The following MYOM3 variants were observed in gnomAD, a reference collection of about 807,000 sequenced individuals.
MYOM3 encodes the protein myomesin 3.
Under a neutral mutation model 191.7 loss-of-function variants are expected in MYOM3, and 155 were observed. That is an observed-to-expected ratio of 0.81 (90% CI 0.71 to 0.92). The LOEUF (loss-of-function observed/expected upper bound fraction) is 0.92. MYOM3 is among the 40% of genes least tolerant of loss of function. The pLI is 0.00. For synonymous variants in MYOM3, 757 were observed against 762.9 expected, an observed-to-expected ratio of 0.99 and a Z score of 0.13; for missense variants, 1,889 against 1,890.6, an observed-to-expected ratio of 1.00 and a Z score of 0.02.
intron 16 of MYOM3, chr1:24,084,251 C>T: frequency 1.8e-6 from 1 of 552,214 alleles, no homozygotes; most frequent in South Asian, 2.1e-5. Flanking sequence ...TTTGCTCTTT[C>T]TCCCTCTCCT....
At position 24,065,877 on chromosome 1, in the gene MYOM3, G is replaced by C; in HGVS notation, c.3534+14C>G. On this transcript the variant is annotated intron_variant, in intron 29 of 36. Coordinates refer to ENST00000374434, the MANE Select transcript of MYOM3 (RefSeq NM_152372.4). ...AAAGGAGAAAGTGAGCCCTGAAGCT[G>C]GAGCCACACTTGCCTCTTCAATGCA... 1 of 1,570,994 alleles carries C rather than the reference G, an allele frequency of 6.4e-7. No individual in the cohort carries two copies. The highest frequency in any genetic ancestry group is 8.8e-7 in the Non-Finnish European group (1 of 1,140,658).
rs747570135 is a variant in MYOM3, at chr1:24,071,121, G to A, written c.3146C>T (p.Ser1049Leu). ...LIFNNKEIFS[S>L]PNRKINFDRE... ...GGATTGTGAGCACCCAATTACCGGC[G>A]AGCTGAAGATCTCCTTGTTGTTGAA... Residue 1049 changes from serine to leucine, a missense_variant, in exon 25 of 37, where the codon TCG becomes TTG. Coordinates refer to ENST00000374434, the MANE Select transcript of MYOM3 (RefSeq NM_152372.4). The A allele has an allele frequency of 1.4e-5, 22 of 1,613,576 alleles. No individual in the cohort carries two copies. Among genetic ancestry groups the A allele is most frequent in the African/African-American group, 1.3e-5 (1 of 74,886 alleles).
In MYOM3 at chr1:24,089,534, C is replaced by T. The variant is rs562118945; in HGVS notation, c.1614+4G>A. ...CCTGGGGCTGGGGCCTCGGGGTTCC[C>T]TACCTTCTCCAGGGAGTACGTCAGT... On this transcript the variant is annotated splice_donor_region_variant and intron_variant, in intron 14 of 36. Coordinates refer to ENST00000374434, the MANE Select transcript of MYOM3 (RefSeq NM_152372.4). 2 of 1,596,482 alleles carry T rather than the reference C, an allele frequency of 1.3e-6. No individual in the cohort carries two copies. The highest frequency in any genetic ancestry group is 1.3e-5 in the African/African-American group (1 of 74,560).
intron 16 of MYOM3, 144 bp downstream of exon 16, chr1:24,084,324 G>T (rs1643709642): frequency 1.2e-6 from 1 of 833,588 alleles, no homozygotes; most frequent in Non-Finnish European, 1.9e-6. Context: ...TAAGTTTCCT[G>T]AGGCCTCCCC....
intron 20 of MYOM3, among the ~76,000 whole-genome samples, chr1:24,078,222 C>G (rs13375152): frequency 0.018 from 2,796 of 151,670 alleles, 85 homozygotes; most frequent in African/African-American, 0.065. Flanking sequence ...TCAGGTGATT[C>G]TCCTGCCTCA....
At chr1:24,058,902 G>C in intron 36 of MYOM3, 22 bp downstream of exon 36, 1 of 1,587,594 alleles carries the variant, frequency 6.3e-7, no homozygotes, top group South Asian at 1.1e-5. Flanking sequence ...ACTGCTGGCT[G>C]TGGGCTGGGA....
chr1:24,082,432 C>G, intron 17 of MYOM3, 161 bp downstream of exon 17: 2 of 1,108,698 alleles, frequency 1.8e-6, no homozygotes, highest in Non-Finnish European at 2.5e-6. Flanking sequence ...ATGGTTACTT[C>G]CTTCCCAAAG....
chr1:24,072,888 G>A (rs1375333179), intron 23 of MYOM3, among the ~76,000 whole-genome samples: 1 of 152,166 alleles, frequency 6.6e-6, no homozygotes, highest in Non-Finnish European at 1.5e-5. Flanking sequence ...CTGAATCTAC[G>A]TGAATGTTTT....
chr1:24,082,053 T>C lies in MYOM3; in HGVS notation c.2228A>G (p.Glu743Gly), dbSNP rs1199126926. The C allele has an allele frequency of 6.2e-7, 1 of 1,612,656 alleles. No individual in the cohort carries two copies. Among genetic ancestry groups the C allele is most frequent in the African/African-American group, 1.3e-5 (1 of 74,994 alleles). Residue 743 changes from glutamate to glycine, a missense_variant, in exon 18 of 37, where the codon GAG becomes GGG. Glu to Gly is a moderately conservative substitution (Grantham distance 98). Transcript: ENST00000374434. ...CTGATTGACCGCATGCCAGTCCAGC[T>C]CTTCCGAGTCATGCTGGTCCAGGAA... ...GYFLDQHDSE[E>G]LDWHAVNQQP...
In MYOM3 at chr1:24,092,211, T is replaced by C; in HGVS notation, c.1195A>G (p.Thr399Ala). ...LILTWAPPSD[T>A]RGNPITAYTI... ...TAGGCAGTGATGGGGTTGCCCCGGG[T>C]GTCACTGGGCGGGGCCCAAGTCAGG... The change falls in exon 11 of 37, where the codon ACC becomes GCC. Residue 399 changes from threonine to alanine, a missense_variant. By Grantham distance (58) the Thr-to-Ala change is moderately conservative. Coordinates refer to ENST00000374434, the MANE Select transcript of MYOM3 (RefSeq NM_152372.4). 6.9e-7 allele frequency: 1 copy of C among 1,455,350 alleles called. No individual in the cohort carries two copies. Among genetic ancestry groups the C allele is most frequent in the East Asian group, 2.7e-5 (1 of 37,072 alleles). The allele number at this position is 1,455,350 out of a possible 1,614,324, so 90.2% of individuals were successfully genotyped here. A position where few individuals can be genotyped will look rare whatever the true frequency, so the allele number is the denominator to read the frequency against.
intron 1 of MYOM3, among the ~76,000 whole-genome samples, chr1:24,110,360 A>G (rs1226855212): frequency 6.6e-6 from 1 of 151,504 alleles, no homozygotes; most frequent in South Asian, 2.1e-4. Flanking sequence ...GTGGGCGTGC[A>G]TGTGTGTGTA....
intron 23 of MYOM3, among the ~76,000 whole-genome samples, chr1:24,073,850 G>A (rs954857869): frequency 6.1e-5 from 8 of 130,278 alleles, no homozygotes; most frequent in South Asian, 2.5e-4. Flanking sequence ...GCGACAGAGC[G>A]AGACTCCGTC....
At chr1:24,066,498 C>G (rs1643436380) in intron 28 of MYOM3, 2 of 509,946 alleles carry the variant, frequency 3.9e-6, no homozygotes, top group African/African-American at 1.9e-5. Flanking sequence ...GTTATCTAAA[C>G]AGGCTGAAGA....
chr1:24,082,275 T>C (rs4333801), intron 17 of MYOM3, 87 bp from the exon 18 acceptor site: 519,801 of 1,236,458 alleles, frequency 0.42, 111,885 homozygotes, highest in East Asian at 0.45. Context: ...ACGAGCCTCC[T>C]CTAGTTGGTG....
In MYOM3 at chr1:24,056,106, A is replaced by G. The variant is rs1175033929; in HGVS notation, c.*1258T>C. 3 of 152,174 alleles carry G rather than the reference A, an allele frequency of 2.0e-5. No homozygotes were observed. The highest frequency in any genetic ancestry group is 6.5e-5 in the Admixed American group (1 of 15,274). The allele number at this position is 152,174 out of a possible 1,614,324, so 9.4% of individuals were successfully genotyped here. A position where few individuals can be genotyped will look rare whatever the true frequency, so the allele number is the denominator to read the frequency against. ...TTCCAGGGTTTTCCAAAATTTTACAACAAACATCTATAATTTTATGAACAC... is the reference window on the plus strand; with the variant it reads ...TTCCAGGGTTTTCCAAAATTTTACAGCAAACATCTATAATTTTATGAACAC... On this transcript the variant is annotated 3_prime_UTR_variant, in exon 37 of 37. Coordinates refer to ENST00000374434, the MANE Select transcript of MYOM3 (RefSeq NM_152372.4).
intron 20 of MYOM3, among the ~76,000 whole-genome samples, chr1:24,077,869 G>C (rs72877664): frequency 0.022 from 3,291 of 152,276 alleles, 91 homozygotes; most frequent in African/African-American, 0.066. Flanking sequence ...ACTCATATAG[G>C]GGAAGACCTC....
At position 24,057,607 on chromosome 1, in the gene MYOM3, G is replaced by T. The variant is rs753219856; in HGVS notation, c.4071C>A (p.Ile1357=). The T allele has an allele frequency of 1.9e-6, 3 of 1,613,928 alleles. No homozygotes were observed. Among genetic ancestry groups the T allele is most frequent in the Non-Finnish European group, 2.5e-6 (3 of 1,179,966 alleles). ...MEDKTLCLTC[I]VSGDPTPEIS... ...TTTCAGGGGTGGGGTCTCCTGAGAC[G>T]ATGCAAGTCAAGCACAGGGTCTGTT... The change falls in exon 37 of 37, where the codon ATC becomes ATA. Residue 1357 remains isoleucine (I), a synonymous_variant. Transcript: ENST00000374434.
rs181493051 is a variant in MYOM3, at chr1:24,064,367, C to T, written c.3535-208G>A. The T allele has an allele frequency of 2.9e-3, 1,569 of 535,880 alleles. 5 individuals are homozygous for T. The highest frequency in any genetic ancestry group is 2.8e-3 in the Non-Finnish European group (830 of 300,706). 33.2% of individuals were successfully genotyped at this position (535,880 alleles called of 1,614,324 possible). ...AGCTCCAGAGCCCTTGGATTCCTAGCTCGGGGCTTGTCTGGGCCTGGGGAA... is the reference window on the plus strand; with the variant it reads ...AGCTCCAGAGCCCTTGGATTCCTAGTTCGGGGCTTGTCTGGGCCTGGGGAA... On this transcript the variant is annotated intron_variant, in intron 29 of 36. Transcript: ENST00000374434.
At chr1:24,101,565 A>G (rs772699487) in intron 5 of MYOM3, among the ~76,000 whole-genome samples, 5 of 151,990 alleles carry the variant, frequency 3.3e-5, no homozygotes, top group Non-Finnish European at 5.9e-5. Context: ...TGGGCAACAT[A>G]GCAAGACCCC....
Sources: gnomAD v4.1 joint callset for allele counts (sites outside exome capture counted in the v4.1 genomes callset) on GRCh38, gnomAD v4.1.1 for gene constraint, MANE v1.5 for transcripts, NCBI Gene and HGNC (gene_info 2026-07-23, HGNC 2026-07-21) for gene names.